Variants in ELOVL4 observed in about 807,000 individuals in gnomAD.
ELOVL4 encodes ELOVL fatty acid elongase 4, also known as very long chain fatty acid elongase 4.
Under a neutral mutation model 42.1 loss-of-function variants are expected in ELOVL4, and 18 were observed. The observed-to-expected ratio is 0.43, with a 90% CI of 0.30 to 0.63. The LOEUF is 0.63. ELOVL4 is among the 30% of genes least tolerant of loss of function. The pLI, the probability that ELOVL4 is intolerant of heterozygous loss-of-function variation, is 0.15. For synonymous variants in ELOVL4, 117 were observed against 127.0 expected, an observed-to-expected ratio of 0.92 and a Z score of 0.53; for missense variants, 299 against 376.2, an observed-to-expected ratio of 0.79 and a Z score of 1.70.
In ELOVL4 at chr6:79,915,183, TC is replaced by T. The variant is rs144811313; in HGVS notation, c.*1424del. The T allele has an allele frequency of 3.5e-4, 54 of 152,458 alleles. No homozygotes were observed. The highest frequency in any genetic ancestry group is 1.3e-3 in the African/African-American group (53 of 41,574). The allele number at this position is 152,458 out of a possible 1,614,324, so 9.4% of individuals were successfully genotyped here. A position where few individuals can be genotyped will look rare whatever the true frequency, so the allele number is the denominator to read the frequency against. ...CTTTTTTTTGGTCACATTTTGTCTT[TC>T]TCTAGTAATCCCTTTGCAACATCCC... is the stretch of plus-strand genomic sequence containing the variant. On this transcript the variant is annotated 3_prime_UTR_variant, in exon 6 of 6. Coordinates refer to ENST00000369816, the MANE Select transcript of ELOVL4 (RefSeq NM_022726.4).
At chr6:79,943,520 C>T (rs1774681678) in intron 1 of ELOVL4, among the ~76,000 whole-genome samples, 1 of 152,182 alleles carries the variant, frequency 6.6e-6, no homozygotes, top group African/African-American at 2.4e-5. Flanking sequence ...CTGTATATTC[C>T]TTTCACTTAG....
chr6:79,928,931 C>A (rs1188106291), intron 1 of ELOVL4, among the ~76,000 whole-genome samples: 2 of 151,568 alleles, frequency 1.3e-5, no homozygotes, highest in African/African-American at 4.9e-5. Context: ...TAGTGTGGTG[C>A]ACTGTTGTTC....
In ELOVL4 at chr6:79,941,598, G is replaced by A. The variant is rs79876287; in HGVS notation, c.100+5582C>T. ...ACTCTCTGGCCGGGCACAGTGGGTCGTGCCTGTAATCCCAGCACTTTGTGG... is the reference window on the plus strand; with the variant it reads ...ACTCTCTGGCCGGGCACAGTGGGTCATGCCTGTAATCCCAGCACTTTGTGG... On this transcript the variant is annotated intron_variant, in intron 1 of 5. Coordinates refer to ENST00000369816, the MANE Select transcript of ELOVL4 (RefSeq NM_022726.4). Among the ~76,000 whole-genome samples, 1,384 of 152,172 alleles carry A rather than the reference G, an allele frequency of 9.1e-3. 19 individuals are homozygous for A. Among genetic ancestry groups the A allele is most frequent in the African/African-American group, 0.032 (1,312 of 41,528 alleles).
rs762213807 is a variant in ELOVL4, at chr6:79,916,601, G to A, written c.*7C>T. 2 of 1,613,344 alleles carry A rather than the reference G, an allele frequency of 1.2e-6. No homozygotes were observed. The highest frequency in any genetic ancestry group is 1.1e-5 in the South Asian group (1 of 91,048). ...CACTGTCAACAACAGTTAAGGCCCAGTTCAATTTAATCTCCTTTTGCTTTT... is the reference window on the plus strand; with the variant it reads ...CACTGTCAACAACAGTTAAGGCCCAATTCAATTTAATCTCCTTTTGCTTTT... On this transcript the variant is annotated 3_prime_UTR_variant, in exon 6 of 6. Transcript: ENST00000369816.
At position 79,926,189 on chromosome 6, in the gene ELOVL4, C is replaced by T. The variant is rs763498888; in HGVS notation, c.288+5G>A. On this transcript the variant is annotated splice_donor_5th_base_variant and intron_variant, in intron 2 of 5. Transcript: ENST00000369816. ...AAAATTATTAAAGTGATCTTAAAAACATACCTCTCTGAAGATAAAGAGGTT... is the reference window on the plus strand; with the variant it reads ...AAAATTATTAAAGTGATCTTAAAAATATACCTCTCTGAAGATAAAGAGGTT... The T allele has an allele frequency of 6.2e-7, 1 of 1,605,784 alleles. No homozygotes were observed.
At chr6:79,940,259 T>G (rs1376184821) in intron 1 of ELOVL4, among the ~76,000 whole-genome samples, 1 of 152,270 alleles carries the variant, frequency 6.6e-6, no homozygotes, top group Admixed American at 6.5e-5. Context: ...TCTTTCAAAT[T>G]CCAAAAATTT....
intron 1 of ELOVL4, among the ~76,000 whole-genome samples, chr6:79,943,413 G>T (rs974700140): frequency 6.6e-6 from 1 of 152,114 alleles, no homozygotes; most frequent in Non-Finnish European, 1.5e-5. Context: ...GCCCTAGTAT[G>T]CCTCTCCAAA....
intron 1 of ELOVL4, among the ~76,000 whole-genome samples, chr6:79,936,294 C>A (rs192468275): frequency 6.6e-6 from 1 of 152,176 alleles, no homozygotes; most frequent in Admixed American, 6.5e-5. Flanking sequence ...TTGTTAAAAC[C>A]AACAGTTGCA....
intron 1 of ELOVL4, among the ~76,000 whole-genome samples, chr6:79,944,836 G>A (rs983766068): frequency 3.3e-5 from 5 of 151,816 alleles, no homozygotes; most frequent in Admixed American, 6.6e-5. Flanking sequence ...TTTCTATCCC[G>A]CCCATTTCTG....
chr6:79,946,048 G>A (rs1431927097), intron 1 of ELOVL4, among the ~76,000 whole-genome samples: 2 of 152,156 alleles, frequency 1.3e-5, no homozygotes, highest in Non-Finnish European at 2.9e-5. Context: ...TGTAACCACT[G>A]TCTAATTTCC....
At chr6:79,927,648 T>C (rs1369318441) in intron 1 of ELOVL4, among the ~76,000 whole-genome samples, 2 of 152,072 alleles carry the variant, frequency 1.3e-5, no homozygotes, top group Non-Finnish European at 2.9e-5. Flanking sequence ...ACAACTATGG[T>C]TTTAATGAAA....
At chr6:79,944,460 T>C (rs1431315280) in intron 1 of ELOVL4, among the ~76,000 whole-genome samples, 1 of 152,232 alleles carries the variant, frequency 6.6e-6, no homozygotes, top group African/African-American at 2.4e-5. Flanking sequence ...AAAATTATTT[T>C]TGTTGTTTTT....
chr6:79,927,697 C>T (rs149186817), intron 1 of ELOVL4, among the ~76,000 whole-genome samples: 19 of 151,852 alleles, frequency 1.3e-4, no homozygotes, highest in Non-Finnish European at 8.8e-5. Context: ...CTTGATGACT[C>T]GAGATATGGG....
intron 1 of ELOVL4, among the ~76,000 whole-genome samples, chr6:79,928,072 T>A (rs1774373899): frequency 6.6e-6 from 1 of 152,124 alleles, no homozygotes; most frequent in Non-Finnish European, 1.5e-5. Flanking sequence ...CTATAAAACA[T>A]GAGGTGTGCA....
chr6:79,928,931 C>T (rs1188106291), intron 1 of ELOVL4, among the ~76,000 whole-genome samples: 2 of 151,568 alleles, frequency 1.3e-5, no homozygotes, highest in Non-Finnish European at 2.9e-5. Context: ...TAGTGTGGTG[C>T]ACTGTTGTTC....
At chr6:79,927,431 A>C (rs1385768479) in intron 1 of ELOVL4, among the ~76,000 whole-genome samples, 2 of 152,176 alleles carry the variant, frequency 1.3e-5, no homozygotes, top group Non-Finnish European at 2.9e-5. Flanking sequence ...AATGAATTTA[A>C]CTTAATTGTT....
intron 1 of ELOVL4, among the ~76,000 whole-genome samples, chr6:79,943,801 G>A (rs913327795): frequency 1.3e-5 from 2 of 152,126 alleles, no homozygotes; most frequent in East Asian, 3.9e-4. Context: ...TCATCCTACA[G>A]CTCTCCTCCC....
intron 5 of ELOVL4, among the ~76,000 whole-genome samples, chr6:79,917,739 T>C (rs1490064462): frequency 6.6e-6 from 1 of 152,056 alleles, no homozygotes; most frequent in African/African-American, 2.4e-5. Context: ...AAGAATAGCT[T>C]GAACCCAGGA....
chr6:79,945,438 T>C (rs894514883), intron 1 of ELOVL4, among the ~76,000 whole-genome samples: 2 of 152,156 alleles, frequency 1.3e-5, no homozygotes, highest in Non-Finnish European at 2.9e-5. Flanking sequence ...TACACAAACA[T>C]CATCAGGAAG....
Sources: gnomAD v4.1 joint callset for allele counts (sites outside exome capture counted in the v4.1 genomes callset) on GRCh38, gnomAD v4.1.1 for gene constraint, MANE v1.5 for transcripts, NCBI Gene and HGNC (gene_info 2026-07-23, HGNC 2026-07-21) for gene names.